TLCD4: variants seen among roughly 807,000 people sequenced by gnomAD.
The protein encoded by TLCD4 is TLC domain-containing protein 4.
Under a neutral mutation model 24.2 loss-of-function variants are expected in TLCD4, and 7 were observed. The observed-to-expected ratio is 0.29, with a 90% confidence interval of 0.16 to 0.54. The LOEUF is 0.54. TLCD4 is among the 20% of genes least tolerant of loss of function. The probability of loss-of-function intolerance (pLI) is 0.95; values close to 1 mark genes in which losing one functional copy is unlikely to be tolerated. For missense variants in TLCD4, 259 were observed against 313.9 expected (o/e 0.82, Z 1.32); for synonymous variants, 103 against 106.4 (o/e 0.97, Z 0.20).
intron 1 of TLCD4, among the ~76,000 whole-genome samples, chr1:95,132,807 T>C (rs1435049304): frequency 2.0e-5 from 3 of 152,114 alleles, no homozygotes; most frequent in Non-Finnish European, 4.4e-5. Context: ...ATTTAGTAGC[T>C]GGGTAGAGGA....
intron 6 of TLCD4, among the ~76,000 whole-genome samples, chr1:95,184,795 G>T (rs903979106): frequency 6.6e-6 from 1 of 152,118 alleles, no homozygotes; most frequent in Admixed American, 6.5e-5. Context: ...TAGAATGAAA[G>T]AATGTTCTAA....
rs10560904 is a variant in TLCD4, at chr1:95,181,202, C to CA, written c.473+7324dup. On this transcript the variant is annotated intron_variant, in intron 6 of 6. Transcript: ENST00000370203. ...AAATAACTGCATTGCCAAAACAAAC[C>CA]AAAAAAAAAAACAGTAGGAACAGTG... Among the ~76,000 whole-genome samples, 913 of 146,758 alleles carry CA rather than the reference C, an allele frequency of 6.2e-3. 6 individuals are homozygous for CA. The highest frequency in any genetic ancestry group is 6.9e-3 in the Non-Finnish European group (456 of 65,904).
intron 1 of TLCD4, among the ~76,000 whole-genome samples, chr1:95,135,771 T>C (rs1215768233): frequency 6.6e-6 from 1 of 152,178 alleles, no homozygotes; most frequent in East Asian, 1.9e-4. Context: ...GGTCTCATTC[T>C]GTCACCCAGG....
chr1:95,099,053 C>CTAAAAAAAAA, the TLCD4 span, among the ~76,000 whole-genome samples: 1 of 70,656 alleles, frequency 1.4e-5, no homozygotes. Flanking sequence ...AACTCTGTCT[C>CTAAAAAAAAA]AAAAAAAAAA....
intron 1 of TLCD4, among the ~76,000 whole-genome samples, chr1:95,140,057 C>T (rs535726643): frequency 1.3e-5 from 2 of 152,132 alleles, no homozygotes; most frequent in African/African-American, 2.4e-5. Context: ...TTCTGGACTG[C>T]CTCCTGAAGG....
At chr1:95,186,630 T>C (rs1028237804) in intron 6 of TLCD4, among the ~76,000 whole-genome samples, 3 of 152,196 alleles carry the variant, frequency 2.0e-5, no homozygotes, top group Non-Finnish European at 4.4e-5. Flanking sequence ...GGCTGCCATG[T>C]AGTCAAAGAA....
At chr1:95,113,255 C>T (rs1359142317), upstream of TLCD4, among the ~76,000 whole-genome samples, 1 of 152,022 alleles carries the variant, frequency 6.6e-6, no homozygotes, top group Non-Finnish European at 1.5e-5. Flanking sequence ...GTTGGCCAGG[C>T]TGGTGGTCTC....
intron 4 of TLCD4, among the ~76,000 whole-genome samples, 174 bp from the exon 5 acceptor site, chr1:95,151,151 A>G (rs1439026330): frequency 2.6e-5 from 4 of 152,174 alleles, no homozygotes; most frequent in Non-Finnish European, 4.4e-5. Context: ...AGACAGGCAT[A>G]TAGGAGCAGA....
chr1:95,147,853 G>A (rs1677392325), intron 2 of TLCD4, among the ~76,000 whole-genome samples: 1 of 152,128 alleles, frequency 6.6e-6, no homozygotes, highest in African/African-American at 2.4e-5. Flanking sequence ...TGAATACACA[G>A]TATCCTAAGT....
At chr1:95,153,404 A>G (rs1441204000) in intron 5 of TLCD4, among the ~76,000 whole-genome samples, 4 of 152,314 alleles carry the variant, frequency 2.6e-5, no homozygotes, top group African/African-American at 9.6e-5. Flanking sequence ...CAATGTTATT[A>G]CATTTTTAGA....
chr1:95,104,412 C>T, the TLCD4 span, among the ~76,000 whole-genome samples: 1 of 152,108 alleles, frequency 6.6e-6, no homozygotes, highest in African/African-American at 2.4e-5. Context: ...CGCCTGTAAT[C>T]CCAGCACTTT....
chr1:95,103,848 C>T, the TLCD4 span, among the ~76,000 whole-genome samples: 69 of 152,266 alleles, frequency 4.5e-4, no homozygotes, highest in Middle Eastern at 3.4e-3. Context: ...ATTTGTTAAA[C>T]GAATTAATAA....
chr1:95,131,269 C>T (rs1283039081), intron 1 of TLCD4, among the ~76,000 whole-genome samples: 1 of 152,056 alleles, frequency 6.6e-6, no homozygotes, highest in African/African-American at 2.4e-5. Flanking sequence ...TGACAGAGCT[C>T]AGAGAAGACA....
intron 4 of TLCD4, 110 bp from the exon 5 acceptor site, chr1:95,151,215 T>C: frequency 9.3e-7 from 1 of 1,072,304 alleles, no homozygotes; most frequent in South Asian, 1.3e-5. Context: ...CAAAGTGCTG[T>C]GGGCTCAGAG....
intron 6 of TLCD4, among the ~76,000 whole-genome samples, chr1:95,180,392 T>C (rs936017993): frequency 1.3e-5 from 2 of 152,246 alleles, no homozygotes; most frequent in Non-Finnish European, 2.9e-5. Context: ...CGTTAGAATA[T>C]GAATAAGAAA....
At chr1:95,173,231 T>C (rs1678289377) in intron 5 of TLCD4, among the ~76,000 whole-genome samples, 1 of 152,196 alleles carries the variant, frequency 6.6e-6, no homozygotes, top group African/African-American at 2.4e-5. Flanking sequence ...CAGTTAGTAA[T>C]GGATATAAAG....
At chr1:95,103,446 T>C in the TLCD4 span, among the ~76,000 whole-genome samples, 4 of 152,198 alleles carry the variant, frequency 2.6e-5, no homozygotes, top group Non-Finnish European at 5.9e-5. Flanking sequence ...GGGAGAATCG[T>C]GAAATGTTTA....
chr1:95,115,089 T>C (rs951225639), upstream of TLCD4, among the ~76,000 whole-genome samples: 16 of 36,870 alleles, frequency 4.3e-4, 1 homozygote, highest in African/African-American at 1.1e-3. Flanking sequence ...ATATACACAT[T>C]ATATATATAT....
rs1177546552 is a variant in TLCD4 at position 95,193,711 on chromosome 1, AT to A, written c.*1846del. On this transcript the variant is annotated 3_prime_UTR_variant, in exon 7 of 7. Coordinates refer to ENST00000370203, the MANE Select transcript of TLCD4 (RefSeq NM_152487.3). ...AGATTGATTGGCTTATACTAGGTAC[AT>A]TTATTTTTGAAAGAATTAATGTAAA... The A allele has an allele frequency of 6.6e-6, 1 of 152,112 alleles. No individual in the cohort carries two copies. Among genetic ancestry groups the A allele is most frequent in the Non-Finnish European group, 1.5e-5 (1 of 67,942 alleles). 9.4% of individuals were successfully genotyped at this position (152,112 alleles called of 1,614,324 possible). A position where few individuals can be genotyped will look rare whatever the true frequency, so the allele number is the denominator to read the frequency against.
Sources: allele counts gnomAD v4.1 joint callset (sites outside exome capture counted in the v4.1 genomes callset), GRCh38; gene constraint gnomAD v4.1.1; transcripts MANE v1.5; gene names NCBI Gene and HGNC (gene_info 2026-07-23, HGNC 2026-07-21).